MAP2K5: variants seen among roughly 807,000 people sequenced by gnomAD.
The protein encoded by MAP2K5 is mitogen-activated protein kinase kinase 5.
In MAP2K5, 49 loss-of-function variants were observed where a neutral mutation model predicts 83.1. That is an observed-to-expected ratio of 0.59 (90% confidence interval 0.47 to 0.75). MAP2K5 has a LOEUF of 0.75. Among genes scored for constraint, MAP2K5 ranks in the 30% least tolerant of loss-of-function variants. The pLI, the probability that MAP2K5 is intolerant of heterozygous loss-of-function variation, is 0.00. For synonymous variants in MAP2K5, 202 were observed against 191.8 expected, an observed-to-expected ratio of 1.05 and a Z score of -0.44; for missense variants, 457 against 557.5, an observed-to-expected ratio of 0.82 and a Z score of 1.82.
At chr15:67,805,943 A>G (rs2090795804) in intron 21 of MAP2K5, among the ~76,000 whole-genome samples, 1 of 152,230 alleles carries the variant, frequency 6.6e-6, no homozygotes, top group African/African-American at 2.4e-5. Context: ...TCAGGACAGC[A>G]GAGAAGAGAA....
At position 67,600,682 on chromosome 15, in the gene MAP2K5, G is replaced by C. The variant is rs149955837; in HGVS notation, c.481-3G>C. On this transcript the variant is annotated splice_region_variant and splice_polypyrimidine_tract_variant and intron_variant, in intron 7 of 21. Coordinates refer to ENST00000178640, the MANE Select transcript of MAP2K5 (RefSeq NM_145160.3). ...TTTTTGTTTTTCTTTCTTTCTTGTG[G>C]AGATGAATGAACAAGACATACGATA... 5 of 1,608,398 alleles carry C rather than the reference G, an allele frequency of 3.1e-6. No homozygotes were observed. Among genetic ancestry groups the C allele is most frequent in the Non-Finnish European group, 4.2e-6 (5 of 1,177,982 alleles).
rs116339282 is a variant in MAP2K5 at position 67,772,401 on chromosome 15, C to T, written c.1197-306C>T. Among the ~76,000 whole-genome samples, 540 of 152,124 alleles carry T rather than the reference C, an allele frequency of 3.5e-3. 4 individuals are homozygous for T. The highest frequency in any genetic ancestry group is 0.012 in the African/African-American group (507 of 41,502). ...AGAATATTGCTGCTTTTTTCACATT[C>T]GCTTCAAAAGTAGAATTAGGATACA... On this transcript the variant is annotated intron_variant, in intron 20 of 21. Coordinates refer to ENST00000178640, the MANE Select transcript of MAP2K5 (RefSeq NM_145160.3).
In MAP2K5 at chr15:67,543,567, G is replaced by T; in HGVS notation, c.135+97G>T. 2 of 1,380,132 alleles carry T rather than the reference G, an allele frequency of 1.4e-6. No homozygotes were observed. The highest frequency in any genetic ancestry group is 1.2e-5 in the South Asian group (1 of 80,408). The allele number at this position is 1,380,132 out of a possible 1,614,324, so 85.5% of individuals were successfully genotyped here. ...ACTGGTGACCTGAGCCAGTGGCAAT[G>T]GCTACTGCTGGCTTCCTGTGGAGGC... On this transcript the variant is annotated intron_variant, in intron 1 of 21. Coordinates refer to ENST00000178640, the MANE Select transcript of MAP2K5 (RefSeq NM_145160.3). This position sits in a 1 kb window ranked among gnomAD's most constrained non-coding sequence, Gnocchi z 4.3.
chr15:67,565,379 A>G lies in MAP2K5; in HGVS notation c.252+2029A>G, dbSNP rs1361279585. On this transcript the variant is annotated intron_variant, in intron 3 of 21. Coordinates refer to ENST00000178640, the MANE Select transcript of MAP2K5 (RefSeq NM_145160.3). The surrounding 1 kb of genome is among the most constrained non-coding windows in gnomAD (Gnocchi z 4.1). ...TGAGTAGCTGGGATTACAGGCACCC[A>G]CCACCATGCCTGGCTAATTTTTGTA... Among the ~76,000 whole-genome samples, 1 of 151,964 alleles carries G rather than the reference A, an allele frequency of 6.6e-6. No homozygotes were observed. Among genetic ancestry groups the G allele is most frequent in the East Asian group, 1.9e-4 (1 of 5,158 alleles).
chr15:67,663,447 T>G (rs1171811618), intron 12 of MAP2K5, among the ~76,000 whole-genome samples: 3 of 152,206 alleles, frequency 2.0e-5, no homozygotes, highest in Admixed American at 2.0e-4. Context: ...CCTAAACACT[T>G]CCTTTTCTTT....
intron 8 of MAP2K5, among the ~76,000 whole-genome samples, chr15:67,630,527 G>C (rs1436719713): frequency 6.6e-6 from 1 of 152,210 alleles, no homozygotes; most frequent in African/African-American, 2.4e-5. Flanking sequence ...CACATGCACA[G>C]TGACAGTCAT....
Position 67,585,927 on chromosome 15 carries a change from G to A in MAP2K5, c.360G>A (p.Leu120=). ...KPPGERNIHG[L]KVNTRAGPSQ... ...CTGGGGAACGGAACATACATGGCCTGAAGGTACGAATTTCAATAATTGTTT... is the reference window on the plus strand; with the variant it reads ...CTGGGGAACGGAACATACATGGCCTAAAGGTACGAATTTCAATAATTGTTT... The change falls in exon 5 of 22, where the codon CTG becomes CTA. Residue 120 remains leucine (L), a synonymous_variant. Coordinates refer to ENST00000178640, the MANE Select transcript of MAP2K5 (RefSeq NM_145160.3). The A allele has an allele frequency of 6.2e-7, 1 of 1,613,500 alleles. No individual in the cohort carries two copies. The highest frequency in any genetic ancestry group is 8.5e-7 in the Non-Finnish European group (1 of 1,179,416).
chr15:67,729,529 G>A (rs2089174126), intron 17 of MAP2K5, among the ~76,000 whole-genome samples: 1 of 152,110 alleles, frequency 6.6e-6, no homozygotes, highest in Non-Finnish European at 1.5e-5. Context: ...CCAGCACTTT[G>A]GGAGGCCGAG....
rs372445279 is a variant in MAP2K5, at chr15:67,732,662, A to AT, written c.1074+4727dup. Reference sequence around the variant, plus strand: ...TTCTCTTTCTTCATCTTTAAATTTCATTTTTTTTTTCAAAAATTCCGACTC... The same window carrying AT: ...TTCTCTTTCTTCATCTTTAAATTTCATTTTTTTTTTTCAAAAATTCCGACTC... On this transcript the variant is annotated intron_variant, in intron 17 of 21. Transcript: ENST00000178640. 4.3e-3 allele frequency among the ~76,000 whole-genome samples: 630 copies of AT among 146,770 alleles called. 3 individuals carry two copies. Among genetic ancestry groups the AT allele is most frequent in the African/African-American group, 7.6e-3 (302 of 39,934 alleles).
chr15:67,641,554 C>T (rs28735117), intron 9 of MAP2K5: 253,427 of 996,652 alleles, frequency 0.25, 33,902 homozygotes, highest in East Asian at 0.53. Flanking sequence ...TTAAATTGAG[C>T]ACAGAGTAAA....
intron 8 of MAP2K5, among the ~76,000 whole-genome samples, chr15:67,623,834 T>A (rs926505796): frequency 8.6e-5 from 13 of 151,746 alleles, no homozygotes; most frequent in African/African-American, 3.1e-4. Context: ...CAACCTCAGG[T>A]GATACGCCCA....
intron 4 of MAP2K5, among the ~76,000 whole-genome samples, chr15:67,583,326 G>T (rs1373118113): frequency 6.6e-6 from 1 of 152,046 alleles, no homozygotes; most frequent in Non-Finnish European, 1.5e-5. Flanking sequence ...ATGGGGAGAG[G>T]ATACTTAAAG....
At chr15:67,590,442 C>CCTCTCTCTCTCT (rs2085378235) in intron 6 of MAP2K5, among the ~76,000 whole-genome samples, 5 of 5,818 alleles carry the variant, frequency 8.6e-4, no homozygotes, top group Non-Finnish European at 2.1e-3. Flanking sequence ...TCTCTCCCTC[C>CCTCTCTCTCTCT]CTCCCTCTCT....
At position 67,768,080 on chromosome 15, in the gene MAP2K5, T is replaced by C. The variant is rs2090074480; in HGVS notation, c.1135-1522T>C. Among the ~76,000 whole-genome samples the C allele has an allele frequency of 6.6e-6, 1 of 152,188 alleles. No individual in the cohort carries two copies. Among genetic ancestry groups the C allele is most frequent in the Non-Finnish European group, 1.5e-5 (1 of 68,032 alleles). The stretch of plus-strand genomic sequence containing the variant: ...TTTTGTTGTCTGTTTTTTGTTGTTT[T>C]TGTTTGTTTTTTGGCTGCCTTGACC... On this transcript the variant is annotated intron_variant, in intron 19 of 21. Transcript: ENST00000178640. This position sits in a 1 kb window ranked among gnomAD's most constrained non-coding sequence, Gnocchi z 4.0.
chr15:67,804,821 C>T (rs2090770869), intron 21 of MAP2K5, among the ~76,000 whole-genome samples: 1 of 152,210 alleles, frequency 6.6e-6, no homozygotes, highest in South Asian at 2.1e-4. Context: ...AGTGTGCACG[C>T]TTGGACTTTG....
At chr15:67,683,874 AAC>A (rs2087883804) in intron 13 of MAP2K5, among the ~76,000 whole-genome samples, 1 of 152,238 alleles carries the variant, frequency 6.6e-6, no homozygotes, top group African/African-American at 2.4e-5. Flanking sequence ...AAAATAGTGA[AAC>A]AGTTATCTTC....
At chr15:67,752,136 G>A (rs139532502) in intron 19 of MAP2K5, among the ~76,000 whole-genome samples, 32 of 152,098 alleles carry the variant, frequency 2.1e-4, no homozygotes, top group African/African-American at 6.3e-4. Context: ...CACAACCTCC[G>A]CTCACGGCAA....
chr15:67,758,363 C>G lies in MAP2K5; in HGVS notation c.1134+9762C>G, dbSNP rs936618500. ...GCAGTCAGGTGCATGGTGGTACTCTCCTGAGATGGGGCACACGGAAAGAGA... is the reference window on the plus strand; with the variant it reads ...GCAGTCAGGTGCATGGTGGTACTCTGCTGAGATGGGGCACACGGAAAGAGA... On this transcript the variant is annotated intron_variant, in intron 19 of 21. Transcript: ENST00000178640. The surrounding 1 kb of genome is among the most constrained non-coding windows in gnomAD (Gnocchi z 4.7). 6.6e-6 allele frequency among the ~76,000 whole-genome samples: 1 copy of G among 152,062 alleles called. No individual in the cohort carries two copies. Among genetic ancestry groups the G allele is most frequent in the Non-Finnish European group, 1.5e-5 (1 of 67,994 alleles).
chr15:67,654,201 G>T (rs992181635), intron 11 of MAP2K5, among the ~76,000 whole-genome samples: 2 of 151,980 alleles, frequency 1.3e-5, no homozygotes, highest in African/African-American at 4.8e-5. Context: ...CATATATTTT[G>T]GCACTCCGTT....
Sources: gnomAD v4.1 joint callset for allele counts (sites outside exome capture counted in the v4.1 genomes callset) on GRCh38, gnomAD v4.1.1 for gene constraint, Gnocchi (gnomAD v3.1) non-coding constraint, MANE v1.5 for transcripts, NCBI Gene and HGNC (gene_info 2026-07-23, HGNC 2026-07-21) for gene names.